CAP2: variants seen among roughly 807,000 people sequenced by gnomAD.
CAP2 encodes the protein cyclase associated actin cytoskeleton regulatory protein 2.
CAP2 carries 24 observed loss-of-function variants against 57.7 expected under a neutral mutation model. The ratio of observed to expected loss-of-function variants is 0.42; its 90% CI spans 0.30 to 0.58. The LOEUF (loss-of-function observed/expected upper bound fraction) is 0.58. CAP2 is among the 20% of genes least tolerant of loss of function. CAP2 has a pLI of 0.22. For synonymous variants in CAP2, 194 were observed against 207.2 expected, an observed-to-expected ratio of 0.94 and a Z score of 0.55; for missense variants, 501 against 590.3, an observed-to-expected ratio of 0.85 and a Z score of 1.57.
intron 4 of CAP2, among the ~76,000 whole-genome samples, chr6:17,467,775 G>A (rs113352836): frequency 9.2e-5 from 14 of 152,050 alleles, no homozygotes; most frequent in Admixed American, 5.9e-4. Context: ...CGCCCGCCTC[G>A]GCCTCCCAAA....
rs1236970503 is a variant in CAP2, at chr6:17,557,040, T to C, written c.*598T>C. The C allele has an allele frequency of 6.6e-6, 1 of 152,212 alleles. No homozygotes were observed. The highest frequency in any genetic ancestry group is 1.9e-4 in the East Asian group (1 of 5,192). 9.4% of individuals were successfully genotyped at this position (152,212 alleles called of 1,614,324 possible). ...CTTGGTCCTTGGAAGACCTATATTC[T>C]CTGTAGTTACTGAAAACCGAAAGTC... On this transcript the variant is annotated 3_prime_UTR_variant, in exon 13 of 13. Transcript: ENST00000229922.
intron 1 of CAP2, among the ~76,000 whole-genome samples, chr6:17,395,561 A>G (rs990802409): frequency 3.3e-5 from 5 of 152,186 alleles, no homozygotes; most frequent in Non-Finnish European, 5.9e-5. Context: ...AGAGGAGCCT[A>G]TTGAAAGGAT....
intron 5 of CAP2, 147 bp from the exon 6 acceptor site, chr6:17,507,494 G>A: frequency 1.3e-6 from 1 of 794,118 alleles, no homozygotes; most frequent in Non-Finnish European, 2.1e-6. Context: ...ACTGTAGAAA[G>A]TGTTTTTATC....
chr6:17,473,662 C>A (rs562287053), intron 4 of CAP2, among the ~76,000 whole-genome samples: 1 of 152,258 alleles, frequency 6.6e-6, no homozygotes, highest in South Asian at 2.1e-4. Flanking sequence ...AAATTGAAGG[C>A]AAGGAGAAGG....
At chr6:17,416,661 T>C (rs1051083427) in intron 1 of CAP2, among the ~76,000 whole-genome samples, 1 of 152,176 alleles carries the variant, frequency 6.6e-6, no homozygotes, top group African/African-American at 2.4e-5. Flanking sequence ...TCATGTTATT[T>C]AGACATAAGG....
chr6:17,511,712 C>T (rs1370639694), intron 6 of CAP2, among the ~76,000 whole-genome samples: 1 of 152,110 alleles, frequency 6.6e-6, no homozygotes, highest in Non-Finnish European at 1.5e-5. Context: ...CCTTGGCCTC[C>T]GAAAGTACTG....
At chr6:17,404,519 G>A (rs1758900868) in intron 1 of CAP2, among the ~76,000 whole-genome samples, 1 of 151,766 alleles carries the variant, frequency 6.6e-6, no homozygotes, top group African/African-American at 2.4e-5. Flanking sequence ...GCAGGAGAAT[G>A]GTGTGAACCC....
At chr6:17,547,199 A>G (rs1029974030) in intron 11 of CAP2, among the ~76,000 whole-genome samples, 5 of 152,234 alleles carry the variant, frequency 3.3e-5, no homozygotes, top group African/African-American at 1.2e-4. Context: ...AAATACATTT[A>G]TTGTACTTTA....
In CAP2 at chr6:17,557,773, T is replaced by A. The variant is rs1763348639; in HGVS notation, c.*1331T>A. ...TTCTGAAATAAAGTAAAATTCTAAT[T>A]GTTTAAATACTGTGATGAATTCTGG... is the stretch of plus-strand genomic sequence containing the variant. On this transcript the variant is annotated 3_prime_UTR_variant, in exon 13 of 13. Coordinates refer to ENST00000229922, the MANE Select transcript of CAP2 (RefSeq NM_006366.3). The A allele has an allele frequency of 6.6e-6, 1 of 152,242 alleles. No homozygotes were observed. The highest frequency in any genetic ancestry group is 2.4e-5 in the African/African-American group (1 of 41,470). The allele number at this position is 152,242 out of a possible 1,614,324, so 9.4% of individuals were successfully genotyped here. A position where few individuals can be genotyped will look rare whatever the true frequency, so the allele number is the denominator to read the frequency against.
At position 17,496,028 on chromosome 6, in the gene CAP2, G is replaced by C. The variant is rs1022610786; in HGVS notation, c.301-11141G>C. On this transcript the variant is annotated intron_variant, in intron 4 of 12. Transcript: ENST00000229922. ...AACTGCTGTGCATGCGTGTGTGGGTGGGGGGGGGGGGTAAGTCAGGGAAAA... is the reference window on the plus strand; with the variant it reads ...AACTGCTGTGCATGCGTGTGTGGGTCGGGGGGGGGGGTAAGTCAGGGAAAA... Among the ~76,000 whole-genome samples, 20 of 19,446 alleles carry C rather than the reference G, an allele frequency of 1.0e-3. 2 individuals are homozygous for C. Among genetic ancestry groups the C allele is most frequent in the African/African-American group, 1.8e-3 (19 of 10,572 alleles). The allele number at this position is 19,446 out of a possible 152,430, so 12.8% of individuals were successfully genotyped here.
chr6:17,436,587 G>A (rs921674511), intron 3 of CAP2, among the ~76,000 whole-genome samples: 1 of 152,136 alleles, frequency 6.6e-6, no homozygotes, highest in Non-Finnish European at 1.5e-5. Flanking sequence ...AGGGAGGCGG[G>A]TATCAGAACC....
chr6:17,552,638 A>T (rs1581618170), intron 12 of CAP2, among the ~76,000 whole-genome samples: 1 of 152,310 alleles, frequency 6.6e-6, no homozygotes, highest in East Asian at 1.9e-4. Flanking sequence ...TCACAAACAA[A>T]CAAACAAACA....
At chr6:17,403,813 G>T (rs1158628209) in intron 1 of CAP2, among the ~76,000 whole-genome samples, 2 of 152,122 alleles carry the variant, frequency 1.3e-5, no homozygotes, top group African/African-American at 4.8e-5. Context: ...GCCTGTTCCA[G>T]TATTCTTTTA....
At chr6:17,542,692 A>T in intron 9 of CAP2, 145 bp from the exon 10 acceptor site, 1 of 673,690 alleles carries the variant, frequency 1.5e-6, no homozygotes. Flanking sequence ...ACAGAGTAAG[A>T]CCTGTGGTTT....
At chr6:17,531,073 G>C in intron 7 of CAP2, 1 of 771,846 alleles carries the variant, frequency 1.3e-6, no homozygotes, top group Non-Finnish European at 2.3e-6. Flanking sequence ...TCATGAATCA[G>C]ATCCTCCCTG....
chr6:17,414,483 C>T (rs1759228123), intron 1 of CAP2, among the ~76,000 whole-genome samples: 4 of 152,076 alleles, frequency 2.6e-5, no homozygotes, highest in Admixed American at 2.6e-4. Context: ...CAGCCCCTAC[C>T]TATGAGTGAG....
intron 7 of CAP2, among the ~76,000 whole-genome samples, chr6:17,517,486 TCTTA>T (rs1384619631): frequency 6.6e-6 from 1 of 152,260 alleles, no homozygotes; most frequent in African/African-American, 2.4e-5. Flanking sequence ...CAATACTTGC[TCTTA>T]CTATGTACAA....
chr6:17,465,097 A>G (rs73721579), intron 4 of CAP2, among the ~76,000 whole-genome samples: 8,826 of 152,308 alleles, frequency 0.058, 812 homozygotes, highest in African/African-American at 0.19. Flanking sequence ...CATGAGCCAT[A>G]GTCAGGGACA....
chr6:17,448,824 C>T (rs1339237076), intron 3 of CAP2, among the ~76,000 whole-genome samples: 3 of 151,568 alleles, frequency 2.0e-5, no homozygotes, highest in Admixed American at 2.0e-4. Context: ...TGCAGGGGTG[C>T]GATCTCAGCT....
Sources: gnomAD v4.1 joint callset for allele counts (sites outside exome capture counted in the v4.1 genomes callset) on GRCh38, gnomAD v4.1.1 for gene constraint, MANE v1.5 for transcripts, NCBI Gene and HGNC (gene_info 2026-07-23, HGNC 2026-07-21) for gene names.